SGPP1: variants seen among roughly 807,000 people sequenced by gnomAD.
SGPP1 encodes hSPP1.
Under a neutral mutation model 33.0 loss-of-function variants are expected in SGPP1, and 21 were observed. The observed-to-expected ratio is 0.64, with a 90% confidence interval of 0.45 to 0.92. SGPP1 has a LOEUF of 0.92. Ranked by LOEUF, SGPP1 falls within the 40% of genes least tolerant of loss-of-function variation. The pLI, the probability that SGPP1 is intolerant of heterozygous loss-of-function variation, is 0.00. For synonymous variants in SGPP1, 239 were observed against 241.2 expected (o/e 0.99, Z 0.08); for missense variants, 543 against 589.4 (o/e 0.92, Z 0.81).
intron 1 of SGPP1, among the ~76,000 whole-genome samples, chr14:63,708,744 C>T (rs1029057081): frequency 1.3e-5 from 2 of 152,266 alleles, no homozygotes; most frequent in South Asian, 4.1e-4. Context: ...CAAATATTAA[C>T]CCATGTAATC....
chr14:63,711,077 G>A (rs563643711), intron 1 of SGPP1, among the ~76,000 whole-genome samples: 28 of 150,032 alleles, frequency 1.9e-4, no homozygotes, highest in African/African-American at 4.4e-4. Context: ...GCAATGGCGC[G>A]ATCTTGGCTC....
At chr14:63,710,842 T>C (rs1026487289) in intron 1 of SGPP1, among the ~76,000 whole-genome samples, 3 of 152,170 alleles carry the variant, frequency 2.0e-5, no homozygotes, top group African/African-American at 4.8e-5. Flanking sequence ...CCCCAAAAGC[T>C]ACTTCTTCAG....
intron 1 of SGPP1, among the ~76,000 whole-genome samples, chr14:63,709,387 A>C (rs976302071): frequency 3.3e-5 from 5 of 152,228 alleles, no homozygotes; most frequent in South Asian, 2.1e-4. Context: ...AAAAAAAAAA[A>C]AAACCATTAA....
rs995539701 is a variant in SGPP1, at chr14:63,712,801, C to T, written c.685-14143G>A. Among the ~76,000 whole-genome samples the T allele has an allele frequency of 4.1e-5, 6 of 146,458 alleles. No individual in the cohort carries two copies. The East Asian group carries it at 9.9e-4, about 24-fold the overall frequency. On this transcript the variant is annotated intron_variant, in intron 1 of 2. Transcript: ENST00000247225. Reference sequence around the variant, plus strand: ...TCCTGAGTAGCTGGGACTATAATCCCAGCTACTTGGGAGGCTGAGGCAGGA... The same window carrying T: ...TCCTGAGTAGCTGGGACTATAATCCTAGCTACTTGGGAGGCTGAGGCAGGA...
At chr14:63,718,977 CATAT>C (rs1221455081) in intron 1 of SGPP1, among the ~76,000 whole-genome samples, 1,526 of 26,880 alleles carry the variant, frequency 0.057, 71 homozygotes, top group East Asian at 0.11. Flanking sequence ...TATGTATATA[CATAT>C]ATATATATAT....
chr14:63,709,395 T>A (rs2139645719), intron 1 of SGPP1, among the ~76,000 whole-genome samples: 1 of 151,832 alleles, frequency 6.6e-6, no homozygotes, highest in South Asian at 2.1e-4. Flanking sequence ...AAAAAACCAT[T>A]AATTCTATCC....
chr14:63,704,711 T>A (rs968792731), intron 1 of SGPP1, among the ~76,000 whole-genome samples: 4 of 152,002 alleles, frequency 2.6e-5, no homozygotes, highest in South Asian at 2.1e-4. Flanking sequence ...TTTAAAAAAA[T>A]TTTTAAAAGA....
intron 2 of SGPP1, among the ~76,000 whole-genome samples, chr14:63,689,601 G>A (rs1280394591): frequency 6.6e-6 from 1 of 151,330 alleles, no homozygotes; most frequent in Admixed American, 6.6e-5. Context: ...GTTCGAGACC[G>A]GCCTGGCCAA....
chr14:63,691,072 C>T (rs1885085471), intron 2 of SGPP1, among the ~76,000 whole-genome samples: 4 of 152,108 alleles, frequency 2.6e-5, no homozygotes, highest in Non-Finnish European at 5.9e-5. Flanking sequence ...CTGATAGTCT[C>T]CTATTGTACA....
chr14:63,690,461 A>C (rs1885070401), intron 2 of SGPP1, among the ~76,000 whole-genome samples: 1 of 152,250 alleles, frequency 6.6e-6, no homozygotes, highest in South Asian at 2.1e-4. Flanking sequence ...ACTTTGGAAT[A>C]TAAGAATAGC....
At chr14:63,690,797 ACCT>A (rs1265551302) in intron 2 of SGPP1, among the ~76,000 whole-genome samples, 2 of 152,110 alleles carry the variant, frequency 1.3e-5, no homozygotes, top group African/African-American at 4.8e-5. Flanking sequence ...TGCAGCCTCT[ACCT>A]CCTGGCTTCA....
intron 1 of SGPP1, among the ~76,000 whole-genome samples, chr14:63,710,813 G>C (rs189127631): frequency 1.7e-4 from 26 of 152,224 alleles, no homozygotes; most frequent in Admixed American, 1.2e-3. Flanking sequence ...CTTTTAGAGA[G>C]TTATAAACTA....
intron 1 of SGPP1, among the ~76,000 whole-genome samples, chr14:63,709,487 T>G: frequency 6.6e-6 from 1 of 152,204 alleles, no homozygotes; most frequent in East Asian, 1.9e-4. Context: ...TTCTAATTCC[T>G]TTTCCAATTT....
intron 1 of SGPP1, among the ~76,000 whole-genome samples, chr14:63,713,462 T>C (rs147776516): frequency 6.6e-6 from 1 of 152,352 alleles, no homozygotes; most frequent in African/African-American, 2.4e-5. Context: ...TGATAGCAAC[T>C]ATTTAGGCTC....
intron 2 of SGPP1, among the ~76,000 whole-genome samples, chr14:63,694,414 C>T (rs1195566188): frequency 6.6e-6 from 1 of 151,806 alleles, no homozygotes; most frequent in Non-Finnish European, 1.5e-5. Flanking sequence ...TATTTGTTGT[C>T]CTCTACTTTT....
chr14:63,696,169 T>C (rs1398002311), intron 2 of SGPP1, among the ~76,000 whole-genome samples: 1 of 151,594 alleles, frequency 6.6e-6, no homozygotes, highest in Non-Finnish European at 1.5e-5. Context: ...GCACCTGTAA[T>C]CTCAGCTATT....
At chr14:63,690,750 C>T (rs1885077617) in intron 2 of SGPP1, among the ~76,000 whole-genome samples, 1 of 152,064 alleles carries the variant, frequency 6.6e-6, no homozygotes, top group African/African-American at 2.4e-5. Context: ...TCACTCTGTT[C>T]CCCGGGATGG....
chr14:63,689,915 T>C (rs556906066), intron 2 of SGPP1, among the ~76,000 whole-genome samples: 32 of 152,230 alleles, frequency 2.1e-4, no homozygotes, highest in Non-Finnish European at 4.0e-4. Context: ...TTATATTATA[T>C]GTAGTTATCG....
intron 2 of SGPP1, among the ~76,000 whole-genome samples, chr14:63,696,231 C>T (rs553701894): frequency 1.5e-4 from 23 of 152,042 alleles, no homozygotes; most frequent in South Asian, 6.2e-4. Context: ...GCTGAGATCA[C>T]GCCTCTGCAC....
Sources: allele counts gnomAD v4.1 joint callset (sites outside exome capture counted in the v4.1 genomes callset), GRCh38; gene constraint gnomAD v4.1.1; transcripts MANE v1.5; gene names NCBI Gene and HGNC (gene_info 2026-07-23, HGNC 2026-07-21).